The following DSCAM variants were observed in gnomAD, a reference collection of about 807,000 sequenced individuals.
The protein encoded by DSCAM is cell adhesion molecule DSCAM.
A neutral mutation model predicts 217.7 loss-of-function variants in DSCAM; 47 were observed. The ratio of observed to expected loss-of-function variants is 0.22; its 90% CI spans 0.17 to 0.28. DSCAM has a LOEUF of 0.28. Among genes scored for constraint, DSCAM ranks in the 10% least tolerant of loss-of-function variants. The probability of loss-of-function intolerance (pLI) is 1.00; values close to 1 mark genes in which losing one functional copy is unlikely to be tolerated. For synonymous variants in DSCAM, 1,056 were observed against 1,015.3 expected (o/e 1.04, Z -0.76); for missense variants, 2,080 against 2,618.3 (o/e 0.79, Z 4.49).
intron 10 of DSCAM, among the ~76,000 whole-genome samples, chr21:40,279,944 A>C (rs1303339217): frequency 6.6e-6 from 1 of 151,946 alleles, no homozygotes; most frequent in African/African-American, 2.4e-5. Flanking sequence ...AGGGAACATC[A>C]CATACTGGGG....
intron 1 of DSCAM, among the ~76,000 whole-genome samples, chr21:40,716,003 C>T (rs1263762463): frequency 1.3e-5 from 2 of 152,012 alleles, no homozygotes; most frequent in Non-Finnish European, 2.9e-5. Context: ...ATTCCACAAG[C>T]CAGCTTGTGA....
At chr21:40,436,165 G>A (rs545219500) in intron 3 of DSCAM, among the ~76,000 whole-genome samples, 21 of 152,164 alleles carry the variant, frequency 1.4e-4, no homozygotes, top group Non-Finnish European at 2.8e-4. Flanking sequence ...AAGTCAGGGA[G>A]CATCTGTACT....
At chr21:40,230,097 G>A (rs539250212) in intron 11 of DSCAM, among the ~76,000 whole-genome samples, 92 of 152,292 alleles carry the variant, frequency 6.0e-4, no homozygotes, top group African/African-American at 2.1e-3. Flanking sequence ...ATAATAGCGA[G>A]CATCTTTTTC....
intron 18 of DSCAM, among the ~76,000 whole-genome samples, chr21:40,138,647 TGG>T: frequency 7.7e-6 from 1 of 129,580 alleles, no homozygotes; most frequent in African/African-American, 3.0e-5. Flanking sequence ...TACGTGTGTG[TGG>T]GGGGTGTGTG....
chr21:40,422,114 G>A (rs2075430420), intron 3 of DSCAM, among the ~76,000 whole-genome samples: 1 of 152,224 alleles, frequency 6.6e-6, no homozygotes. Flanking sequence ...GGCAGACATT[G>A]CTAATCAATT....
chr21:40,270,770 G>A (rs2073605681), intron 11 of DSCAM, among the ~76,000 whole-genome samples: 1 of 151,960 alleles, frequency 6.6e-6, no homozygotes, highest in Admixed American at 6.6e-5. Context: ...GCCGCTTGGG[G>A]GCAGCTTGGG....
intron 3 of DSCAM, among the ~76,000 whole-genome samples, chr21:40,656,702 C>T (rs1388049804): frequency 6.6e-6 from 1 of 152,122 alleles, no homozygotes; most frequent in African/African-American, 2.4e-5. Context: ...TTGATGGTGG[C>T]AATGTAAAGG....
At chr21:40,050,318 G>A (rs925505361) in intron 30 of DSCAM, among the ~76,000 whole-genome samples, 2 of 152,202 alleles carry the variant, frequency 1.3e-5, no homozygotes, top group African/African-American at 4.8e-5. Flanking sequence ...AGCCAATGCT[G>A]CATCACTCTA....
At chr21:40,698,857 G>A (rs1301326900) in intron 2 of DSCAM, among the ~76,000 whole-genome samples, 40 of 137,238 alleles carry the variant, frequency 2.9e-4, no homozygotes, top group African/African-American at 1.1e-3. Context: ...GCGACAGAGC[G>A]AGAATCCGTC....
intron 3 of DSCAM, among the ~76,000 whole-genome samples, chr21:40,390,985 A>C (rs10483066): frequency 0.082 from 12,472 of 152,246 alleles, 807 homozygotes; most frequent in Admixed American, 0.24. Context: ...AATAAAAGAA[A>C]GAAAACTGTA....
At chr21:40,059,270 C>T (rs1035628151) in intron 28 of DSCAM, among the ~76,000 whole-genome samples, 1 of 152,240 alleles carries the variant, frequency 6.6e-6, no homozygotes, top group African/African-American at 2.4e-5. Flanking sequence ...ATGCTGATTC[C>T]TGGACCTTAA....
chr21:40,585,537 T>A (rs2076940296), intron 3 of DSCAM, among the ~76,000 whole-genome samples: 1 of 152,190 alleles, frequency 6.6e-6, no homozygotes. Context: ...ATGGGCAATT[T>A]CAGAGAGGAT....
At chr21:40,282,335 C>T (rs1016037533) in intron 10 of DSCAM, among the ~76,000 whole-genome samples, 2 of 151,934 alleles carry the variant, frequency 1.3e-5, no homozygotes, top group African/African-American at 4.8e-5. Context: ...CGCCTGTAAT[C>T]CCAGCACTTT....
intron 3 of DSCAM, among the ~76,000 whole-genome samples, chr21:40,644,164 G>C (rs752942816): frequency 5.3e-5 from 8 of 152,192 alleles, no homozygotes; most frequent in Admixed American, 2.0e-4. Flanking sequence ...AGCAAAGCCA[G>C]CACACAGCAG....
intron 3 of DSCAM, among the ~76,000 whole-genome samples, chr21:40,576,980 A>G (rs565001978): frequency 6.6e-6 from 1 of 150,976 alleles, no homozygotes; most frequent in Admixed American, 6.6e-5. Flanking sequence ...ATGTACCCTA[A>G]AAGTATAATA....
In DSCAM at chr21:40,173,789, G is replaced by A. The variant is rs139437718; in HGVS notation, c.2947+5138C>T. ...AGATGAGGCAAGGACTTAACTCAGT[G>A]CCAGATTCATTGGAAACCCAGTGAC... On this transcript the variant is annotated intron_variant, in intron 15 of 32. Transcript: ENST00000400454. Among the ~76,000 whole-genome samples, 419 of 152,238 alleles carry A rather than the reference G, an allele frequency of 2.8e-3. 1 individual carries two copies. The highest frequency in any genetic ancestry group is 4.5e-3 in the Non-Finnish European group (308 of 68,024).
Position 40,682,642 on chromosome 21 carries a change from AGG to A in DSCAM, c.508+10166_508+10167del, listed in dbSNP as rs2090417042. On this transcript the variant is annotated intron_variant, in intron 3 of 32. Transcript: ENST00000400454. ...GAAAGAGAAAGAGAGAGAAAGAAAG[AGG>A]AAGGGAAGGGAAGGGAGCGGAGGGG... is the stretch of plus-strand genomic sequence containing the variant. Among the ~76,000 whole-genome samples the A allele has an allele frequency of 3.8e-5, 3 of 78,652 alleles. 1 individual carries two copies. The highest frequency in any genetic ancestry group is 8.7e-5 in the African/African-American group (2 of 22,978). 51.6% of individuals were successfully genotyped at this position (78,652 alleles called of 152,430 possible). A position where few individuals can be genotyped will look rare whatever the true frequency, so the allele number is the denominator to read the frequency against.
intron 3 of DSCAM, among the ~76,000 whole-genome samples, chr21:40,664,844 A>G (rs1057057601): frequency 6.6e-6 from 1 of 152,162 alleles, no homozygotes; most frequent in Non-Finnish European, 1.5e-5. Flanking sequence ...TGTGATTCCC[A>G]GTGTTGGAGG....
At chr21:40,182,617 C>CGGGG (rs1568986392) in intron 14 of DSCAM, among the ~76,000 whole-genome samples, 4 of 82,478 alleles carry the variant, frequency 4.8e-5, no homozygotes, top group Non-Finnish European at 8.8e-5. Context: ...GTGGACAGAA[C>CGGGG]GGGCCACCAG....
Sources: gnomAD v4.1 joint callset for allele counts (sites outside exome capture counted in the v4.1 genomes callset) on GRCh38, gnomAD v4.1.1 for gene constraint, MANE v1.5 for transcripts, NCBI Gene and HGNC (gene_info 2026-07-23, HGNC 2026-07-21) for gene names.